The following GALNTL6 variants were observed in gnomAD, a reference collection of about 807,000 sequenced individuals.
GALNTL6 encodes polypeptide N-acetylgalactosaminyltransferase like 6, also known as polypeptide N-acetylgalactosaminyltransferase-like 6.
Under a neutral mutation model 73.7 loss-of-function variants are expected in GALNTL6, and 46 were observed. The observed-to-expected ratio is 0.62, with a 90% CI of 0.49 to 0.80. The LOEUF is 0.80. Among genes scored for constraint, GALNTL6 ranks in the 30% least tolerant of loss-of-function variants. The pLI is 0.00. For missense variants in GALNTL6, 604 were observed against 755.0 expected (o/e 0.80, Z 2.34); for synonymous variants, 259 against 263.7 (o/e 0.98, Z 0.17).
At chr4:172,844,044 G>A (rs1245722976) in intron 7 of GALNTL6, among the ~76,000 whole-genome samples, 1 of 152,202 alleles carries the variant, frequency 6.6e-6, no homozygotes, top group Non-Finnish European at 1.5e-5. Flanking sequence ...GGGTGACAAA[G>A]TGAGACTCCG....
chr4:173,024,361 G>A (rs1208661729), intron 12 of GALNTL6, among the ~76,000 whole-genome samples: 2 of 152,164 alleles, frequency 1.3e-5, no homozygotes, highest in African/African-American at 4.8e-5. Context: ...TACTTAATCA[G>A]GAACATGCAA....
intron 2 of GALNTL6, among the ~76,000 whole-genome samples, chr4:172,225,904 C>T (rs531676819): frequency 6.6e-6 from 1 of 152,212 alleles, no homozygotes; most frequent in South Asian, 2.1e-4. Context: ...CCCAGATACC[C>T]TTTATTAAAG....
Position 172,790,320 on chromosome 4 carries a change from T to C in GALNTL6, c.554-19041T>C, listed in dbSNP as rs78897983. ...ACCCCAATGTGACTGTACTTGGAGA[T>C]TGGGGCATTAAGAATGTAACTCGGG... is the stretch of plus-strand genomic sequence containing the variant. On this transcript the variant is annotated intron_variant, in intron 5 of 12. Transcript: ENST00000506823. Among the ~76,000 whole-genome samples the C allele has an allele frequency of 3.5e-3, 534 of 152,274 alleles. 5 individuals carry two copies. Among genetic ancestry groups the C allele is most frequent in the African/African-American group, 0.012 (495 of 41,560 alleles).
chr4:172,270,305 A>T (rs1409579355), intron 3 of GALNTL6, among the ~76,000 whole-genome samples: 1 of 152,086 alleles, frequency 6.6e-6, no homozygotes, highest in African/African-American at 2.4e-5. Context: ...TATATTCAAA[A>T]TGTGTAAGTC....
chr4:172,771,217 G>C (rs980390263), intron 5 of GALNTL6, among the ~76,000 whole-genome samples: 26 of 152,112 alleles, frequency 1.7e-4, no homozygotes, highest in Non-Finnish European at 2.9e-5. Flanking sequence ...ATGAACTCTG[G>C]TTACCCAAGT....
chr4:172,990,249 A>G (rs974334472), intron 10 of GALNTL6, among the ~76,000 whole-genome samples: 2 of 152,258 alleles, frequency 1.3e-5, no homozygotes, highest in Non-Finnish European at 2.9e-5. Context: ...GCAAATAACT[A>G]TATTGCCATA....
At chr4:171,949,974 T>C (rs333003) in intron 2 of GALNTL6, among the ~76,000 whole-genome samples, 66,127 of 152,008 alleles carry the variant, frequency 0.44, 16,254 homozygotes, top group Admixed American at 0.56. Flanking sequence ...AAAATAAATC[T>C]CCAGTTGGAA....
intron 5 of GALNTL6, among the ~76,000 whole-genome samples, chr4:172,406,141 A>C (rs1289118325): frequency 6.6e-6 from 1 of 151,972 alleles, no homozygotes; most frequent in Non-Finnish European, 1.5e-5. Context: ...AGTATTATGT[A>C]TATATTAATA....
At chr4:172,182,845 A>G (rs1015949874) in intron 2 of GALNTL6, among the ~76,000 whole-genome samples, 5 of 152,202 alleles carry the variant, frequency 3.3e-5, no homozygotes, top group African/African-American at 1.2e-4. Context: ...TCAATATTTT[A>G]TAAAAGCAAT....
In GALNTL6 at chr4:172,267,670, T is replaced by C. The variant is rs186833984; in HGVS notation, c.247+37906T>C. Among the ~76,000 whole-genome samples, 31 of 152,294 alleles carry C rather than the reference T, an allele frequency of 2.0e-4. No homozygotes were observed. The East Asian group carries it at 2.7e-3, about 13-fold the overall frequency. Reference sequence around the variant, plus strand: ...CTACCTCAGCCTGGTTCCTCTCATGTGTTCCTTGAAAGACTCTACATCTTG... The same window carrying C: ...CTACCTCAGCCTGGTTCCTCTCATGCGTTCCTTGAAAGACTCTACATCTTG... On this transcript the variant is annotated intron_variant, in intron 3 of 12. Transcript: ENST00000506823.
chr4:172,005,421 C>T (rs1362334779), intron 2 of GALNTL6, among the ~76,000 whole-genome samples: 1 of 152,282 alleles, frequency 6.6e-6, no homozygotes, highest in East Asian at 1.9e-4. Context: ...GCCACTGCCC[C>T]AGGACTTAAA....
chr4:172,730,489 A>G (rs929641511), intron 5 of GALNTL6, among the ~76,000 whole-genome samples: 1 of 152,194 alleles, frequency 6.6e-6, no homozygotes, highest in East Asian at 1.9e-4. Context: ...TGAAATAATC[A>G]TATGGTTTTG....
intron 2 of GALNTL6, among the ~76,000 whole-genome samples, chr4:171,912,730 C>G (rs907147355): frequency 1.3e-5 from 2 of 152,104 alleles, no homozygotes; most frequent in African/African-American, 4.8e-5. Flanking sequence ...CTCTAGTAAC[C>G]ACCACTCTAC....
chr4:172,376,682 CGATAGGTGATGGTCTCACCGCTTGGT>C (rs1743044479), intron 5 of GALNTL6, among the ~76,000 whole-genome samples: 2 of 152,116 alleles, frequency 1.3e-5, no homozygotes, highest in South Asian at 4.2e-4. Context: ...CACCGCTTGG[CGATAGGTGATGGTCTCACCGCTTGGT>C]GACAGGCAGT....
chr4:172,599,380 G>T (rs114373173), intron 5 of GALNTL6, among the ~76,000 whole-genome samples: 4,732 of 151,458 alleles, frequency 0.031, 116 homozygotes, highest in South Asian at 0.087. Flanking sequence ...ACTCTCATAT[G>T]CCAAAAATAA....
Position 172,493,458 on chromosome 4 carries a change from T to C in GALNTL6, c.553+144769T>C, listed in dbSNP as rs571379130. Among the ~76,000 whole-genome samples the C allele has an allele frequency of 2.0e-5, 3 of 152,324 alleles. No homozygotes were observed. The South Asian group carries it at 6.2e-4, about 32-fold the overall frequency. ...AAAGTACTTTTACTAGGAAGGACAA[T>C]TACATTGCATGACCAAATTCATGAA... On this transcript the variant is annotated intron_variant, in intron 5 of 12. Transcript: ENST00000506823.
intron 5 of GALNTL6, among the ~76,000 whole-genome samples, chr4:172,481,600 A>G (rs923415449): frequency 6.6e-6 from 1 of 150,430 alleles, no homozygotes; most frequent in East Asian, 2.0e-4. Flanking sequence ...GTGTGTTTAC[A>G]ATCCCTGAGC....
intron 3 of GALNTL6, among the ~76,000 whole-genome samples, chr4:172,288,088 G>T (rs1463366034): frequency 1.5e-5 from 2 of 137,644 alleles, no homozygotes; most frequent in Middle Eastern, 3.7e-3. Flanking sequence ...TGGCTTGATA[G>T]AATTGATTTT....
At chr4:172,848,558 G>A (rs1038842677) in intron 7 of GALNTL6, among the ~76,000 whole-genome samples, 1 of 152,186 alleles carries the variant, frequency 6.6e-6, no homozygotes, top group East Asian at 1.9e-4. Context: ...TCTGGGAAAA[G>A]AGAAGTAGTT....
Sources: allele counts gnomAD v4.1 joint callset (sites outside exome capture counted in the v4.1 genomes callset), GRCh38; gene constraint gnomAD v4.1.1; transcripts MANE v1.5; gene names NCBI Gene and HGNC (gene_info 2026-07-23, HGNC 2026-07-21).